ZHX2: variants seen among roughly 807,000 people sequenced by gnomAD.
ZHX2 encodes zinc fingers and homeoboxes 2.
In ZHX2, 6 loss-of-function variants were observed where a neutral mutation model predicts 21.9. The observed-to-expected ratio is 0.27, with a 90% confidence interval of 0.15 to 0.54. The LOEUF is 0.54. Ranked by LOEUF, ZHX2 falls within the 20% of genes least tolerant of loss-of-function variation. The probability of loss-of-function intolerance (pLI) is 0.95; values close to 1 mark genes in which losing one functional copy is unlikely to be tolerated. For missense variants in ZHX2, 908 were observed against 1,090.7 expected (o/e 0.83, Z 2.36); for synonymous variants, 434 against 437.1 (o/e 0.99, Z 0.09).
At chr8:122,788,857 G>A (rs887106587) in intron 1 of ZHX2, among the ~76,000 whole-genome samples, 27 of 152,160 alleles carry the variant, frequency 1.8e-4, no homozygotes, top group African/African-American at 5.6e-4. Context: ...GCACGTGTGC[G>A]TATGAGAGTT....
intron 1 of ZHX2, among the ~76,000 whole-genome samples, chr8:122,821,226 GC>G (rs2130638316): frequency 6.6e-6 from 1 of 152,302 alleles, no homozygotes; most frequent in Non-Finnish European, 1.5e-5. Context: ...GGAACCAGCT[GC>G]CAGGCTTCCT....
chr8:122,838,708 G>T (rs2130702637), intron 1 of ZHX2, among the ~76,000 whole-genome samples: 1 of 151,266 alleles, frequency 6.6e-6, no homozygotes, highest in East Asian at 2.0e-4. Context: ...CTCCCGAGTA[G>T]CTGGGACTAC....
At position 122,951,305 on chromosome 8, in the gene ZHX2, TG is replaced by T; in HGVS notation, c.-204del. The T allele has an allele frequency of 1.7e-6, 1 of 574,286 alleles. No individual in the cohort carries two copies. The highest frequency in any genetic ancestry group is 3.1e-6 in the Non-Finnish European group (1 of 322,730). The allele number at this position is 574,286 out of a possible 1,614,324, so 35.6% of individuals were successfully genotyped here. A position where few individuals can be genotyped will look rare whatever the true frequency, so the allele number is the denominator to read the frequency against. ...TCTTGTCCACAGATATGATGCTTCC[TG>T]GTGTGTTTAGTGGTTGGTGCCATTC... On this transcript the variant is annotated 5_prime_UTR_variant, in exon 3 of 4. The change abolishes the stop of an existing upstream ORF in the 5' untranslated region. Coordinates refer to ENST00000314393, the MANE Select transcript of ZHX2 (RefSeq NM_014943.5).
intron 1 of ZHX2, among the ~76,000 whole-genome samples, chr8:122,789,704 C>T (rs1343434752): frequency 6.6e-6 from 1 of 152,184 alleles, no homozygotes; most frequent in African/African-American, 2.4e-5. Context: ...AAAGAGACTG[C>T]CCTCTGGCCA....
intron 2 of ZHX2, among the ~76,000 whole-genome samples, chr8:122,904,738 A>C (rs1563775560): frequency 6.6e-6 from 1 of 152,198 alleles, no homozygotes; most frequent in Admixed American, 6.5e-5. Context: ...TAAGATCCAA[A>C]ATCTTATAAC....
At chr8:122,797,527 C>G (rs576486596) in intron 1 of ZHX2, among the ~76,000 whole-genome samples, 2 of 152,282 alleles carry the variant, frequency 1.3e-5, no homozygotes, top group East Asian at 3.9e-4. Flanking sequence ...AGCAAGGCAA[C>G]CAATTTCCCT....
At chr8:122,944,495 A>G (rs1315197485) in intron 2 of ZHX2, among the ~76,000 whole-genome samples, 1 of 152,178 alleles carries the variant, frequency 6.6e-6, no homozygotes, top group East Asian at 1.9e-4. Flanking sequence ...TTGTATTTGC[A>G]ACATCCACAC....
At position 122,789,375 on chromosome 8, in the gene ZHX2, C is replaced by T. The variant is rs146681844; in HGVS notation, c.-283+7429C>T. 4.1e-3 allele frequency among the ~76,000 whole-genome samples: 628 copies of T among 152,302 alleles called. 6 individuals are homozygous for T. Among genetic ancestry groups the T allele is most frequent in the African/African-American group, 0.015 (608 of 41,562 alleles). On this transcript the variant is annotated intron_variant, in intron 1 of 3. Coordinates refer to ENST00000314393, the MANE Select transcript of ZHX2 (RefSeq NM_014943.5). ...GCTCTAAGGACAAAGCCATCTCAGG[C>T]GCCACCCCACCAGCCCCTGGGTGTA...
At chr8:122,917,142 G>A (rs1820624552) in intron 2 of ZHX2, among the ~76,000 whole-genome samples, 1 of 152,102 alleles carries the variant, frequency 6.6e-6, no homozygotes, top group Admixed American at 6.5e-5. Context: ...TGGGCTCCAA[G>A]TTGGGTCACT....
At chr8:122,927,878 A>T (rs1820895961) in intron 2 of ZHX2, among the ~76,000 whole-genome samples, 1 of 152,144 alleles carries the variant, frequency 6.6e-6, no homozygotes, top group Non-Finnish European at 1.5e-5. Flanking sequence ...ATCCAGAAAG[A>T]GTACTGGAGG....
chr8:122,851,355 C>T (rs1257650765), intron 1 of ZHX2, among the ~76,000 whole-genome samples: 1 of 152,132 alleles, frequency 6.6e-6, no homozygotes, highest in East Asian at 1.9e-4. Context: ...TTTGGGAAGT[C>T]TCTCAATGAA....
In ZHX2 at chr8:122,821,779, A is replaced by C. The variant is rs28609779; in HGVS notation, c.-283+39833A>C. On this transcript the variant is annotated intron_variant, in intron 1 of 3. Coordinates refer to ENST00000314393, the MANE Select transcript of ZHX2 (RefSeq NM_014943.5). ...GAGTGCGGTGGCGCGATCTCGGCTC[A>C]CTGCAACCTCCAACTCCTGGTTTCA... Among the ~76,000 whole-genome samples the C allele has an allele frequency of 5.4e-3, 825 of 152,244 alleles. 5 individuals carry two copies. Among genetic ancestry groups the C allele is most frequent in the African/African-American group, 0.019 (783 of 41,532 alleles).
rs1425298139 is a variant in ZHX2, at chr8:122,973,754, G to A, written c.*517G>A. ...TAAGTAGGGAGACTTTATTTTTAAA[G>A]GTAGGTTGAAATTTGGGAGATTTCT... On this transcript the variant is annotated 3_prime_UTR_variant, in exon 4 of 4. Transcript: ENST00000314393. The A allele has an allele frequency of 6.6e-6, 1 of 152,476 alleles. No homozygotes were observed. Among genetic ancestry groups the A allele is most frequent in the East Asian group, 1.9e-4 (1 of 5,190 alleles). The allele number at this position is 152,476 out of a possible 1,614,324, so 9.4% of individuals were successfully genotyped here.
chr8:122,890,831 C>T (rs1409590284), intron 2 of ZHX2, among the ~76,000 whole-genome samples: 1 of 152,072 alleles, frequency 6.6e-6, no homozygotes, highest in Non-Finnish European at 1.5e-5. Context: ...TTACTAAATT[C>T]ATTTGTCATT....
intron 1 of ZHX2, among the ~76,000 whole-genome samples, chr8:122,820,107 A>T (rs928860556): frequency 1.3e-5 from 2 of 152,248 alleles, no homozygotes; most frequent in Admixed American, 1.3e-4. Flanking sequence ...GTTTGATAGC[A>T]AGAATACATT....
At chr8:122,955,241 G>C (rs1321231332) in intron 3 of ZHX2, among the ~76,000 whole-genome samples, 1 of 121,314 alleles carries the variant, frequency 8.2e-6, no homozygotes, top group Non-Finnish European at 1.7e-5. Context: ...CAGTGGCAGG[G>C]GGAGGGCTGG....
intron 2 of ZHX2, among the ~76,000 whole-genome samples, chr8:122,887,148 TGGG>T (rs747914820): frequency 8.9e-4 from 134 of 149,968 alleles, no homozygotes; most frequent in Admixed American, 8.8e-3. Flanking sequence ...AGTGGGAGTG[TGGG>T]GATGTGAGCA....
chr8:122,846,968 G>A (rs936380461), intron 1 of ZHX2, among the ~76,000 whole-genome samples: 1 of 152,140 alleles, frequency 6.6e-6, no homozygotes, highest in Non-Finnish European at 1.5e-5. Flanking sequence ...AACATTAAAA[G>A]AGTTGAGCTG....
intron 2 of ZHX2, among the ~76,000 whole-genome samples, chr8:122,913,174 T>C (rs533436296): frequency 1.3e-5 from 2 of 152,354 alleles, no homozygotes; most frequent in East Asian, 3.9e-4. Flanking sequence ...GGTTTTAAGG[T>C]TTATACATGT....
Sources: allele counts gnomAD v4.1 joint callset (sites outside exome capture counted in the v4.1 genomes callset), GRCh38; gene constraint gnomAD v4.1.1; transcripts MANE v1.5; gene names NCBI Gene and HGNC (gene_info 2026-07-23, HGNC 2026-07-21).